Variants in ARFIP1 observed in about 807,000 individuals in gnomAD.
ARFIP1 encodes the protein ARF interacting protein 1, also known as arfaptin-1.
A neutral mutation model predicts 42.5 loss-of-function variants in ARFIP1; 24 were observed. The observed-to-expected ratio is 0.57, with a 90% confidence interval of 0.41 to 0.80. ARFIP1 has a LOEUF of 0.80. Ranked by LOEUF, ARFIP1 falls within the 30% of genes least tolerant of loss-of-function variation. ARFIP1 has a pLI of 0.00. For synonymous variants in ARFIP1, 141 were observed against 153.7 expected (o/e 0.92, Z 0.61); for missense variants, 354 against 434.0 (o/e 0.82, Z 1.64).
intron 2 of ARFIP1, among the ~76,000 whole-genome samples, chr4:152,847,584 T>C (rs530509972): frequency 4.7e-4 from 72 of 152,076 alleles, no homozygotes; most frequent in African/African-American, 1.7e-3. Context: ...TTTTAAGAAT[T>C]ATTCTTTAAA....
At chr4:152,882,957 C>T in intron 7 of ARFIP1, 77 bp downstream of exon 7, 1 of 1,448,670 alleles carries the variant, frequency 6.9e-7, no homozygotes, top group South Asian at 1.3e-5. Flanking sequence ...TTACAAACAA[C>T]AGAAACCAAC....
At chr4:152,792,358 T>C (rs985370234) in intron 1 of ARFIP1, among the ~76,000 whole-genome samples, 20 of 152,220 alleles carry the variant, frequency 1.3e-4, no homozygotes, top group African/African-American at 4.1e-4. Context: ...TGAAGACTTA[T>C]GTGTGTTGTT....
rs147195311 is a variant in ARFIP1 at position 152,863,691 on chromosome 4, T to G, written c.179T>G (p.Val60Gly). The G allele has an allele frequency of 1.5e-5, 24 of 1,608,590 alleles. No individual in the cohort carries two copies. Among genetic ancestry groups the G allele is most frequent in the Non-Finnish European group, 2.0e-5 (23 of 1,175,600 alleles). Reference sequence around the variant, plus strand: ...GGCTTTGACAATACCAAAGAGGGTGTTATTGAAGCAGGAGCATTTCAAGGT... The same window carrying G: ...GGCTTTGACAATACCAAAGAGGGTGGTATTGAAGCAGGAGCATTTCAAGGT... ...SHGFDNTKEG[V>G]IEAGAFQGSP... The change falls in exon 3 of 9, where the codon GTT becomes GGT. Residue 60 changes from valine to glycine, a missense_variant. Physicochemically the swap from Val to Gly is moderately radical, Grantham distance 109 (BLOSUM62 -3). Coordinates refer to ENST00000353617, the MANE Select transcript of ARFIP1 (RefSeq NM_001025595.3).
At chr4:152,846,007 C>T (rs895593086) in intron 2 of ARFIP1, among the ~76,000 whole-genome samples, 1 of 152,166 alleles carries the variant, frequency 6.6e-6, no homozygotes, top group East Asian at 1.9e-4. Context: ...AAATACTGTG[C>T]AGCCATAAAA....
intron 1 of ARFIP1, among the ~76,000 whole-genome samples, chr4:152,824,891 C>T (rs1389935318): frequency 6.6e-6 from 1 of 151,808 alleles, no homozygotes; most frequent in Non-Finnish European, 1.5e-5. Context: ...TGCTATACAC[C>T]AACAACAGCC....
At chr4:152,866,800 G>A (rs924055653) in intron 3 of ARFIP1, among the ~76,000 whole-genome samples, 2 of 151,530 alleles carry the variant, frequency 1.3e-5, no homozygotes, top group Admixed American at 6.6e-5. Flanking sequence ...GGGCAGAGAC[G>A]CTCCTCACCT....
intron 1 of ARFIP1, chr4:152,807,270 T>G (rs1381070059): frequency 1.3e-5 from 2 of 152,158 alleles, no homozygotes; most frequent in African/African-American, 4.8e-5. Flanking sequence ...TATTTTAATT[T>G]CTTTTTGGTG....
chr4:152,848,080 C>T (rs1225060409), intron 2 of ARFIP1, among the ~76,000 whole-genome samples: 4 of 151,900 alleles, frequency 2.6e-5, no homozygotes, highest in Non-Finnish European at 4.4e-5. Flanking sequence ...ACAGAGTATT[C>T]GTTCAGTAGA....
intron 1 of ARFIP1, chr4:152,809,984 A>G (rs1473955126): frequency 6.6e-6 from 1 of 152,174 alleles, no homozygotes; most frequent in African/African-American, 2.4e-5. Context: ...AAGGCACATG[A>G]TTTGATTGTT....
chr4:152,880,110 G>A (rs1429110675), intron 5 of ARFIP1, among the ~76,000 whole-genome samples: 1 of 152,182 alleles, frequency 6.6e-6, no homozygotes. Context: ...GGGAGGCCAA[G>A]GCAGGTTGAT....
At chr4:152,881,737 G>A (rs574346316) in intron 6 of ARFIP1, among the ~76,000 whole-genome samples, 17 of 152,242 alleles carry the variant, frequency 1.1e-4, no homozygotes, top group African/African-American at 4.1e-4. Context: ...ACAGAGTGGA[G>A]TTACATGGAC....
At chr4:152,796,348 A>C in intron 1 of ARFIP1, 1 of 741,104 alleles carries the variant, frequency 1.3e-6, no homozygotes, top group East Asian at 2.5e-5. Flanking sequence ...TTTCATATTT[A>C]GGTGGTTTTC....
At chr4:152,881,976 A>G (rs373359679) in intron 6 of ARFIP1, among the ~76,000 whole-genome samples, 4 of 152,318 alleles carry the variant, frequency 2.6e-5, no homozygotes, top group East Asian at 1.9e-4. Flanking sequence ...TAAATGATAC[A>G]TCTTAGAATA....
In ARFIP1 at chr4:152,912,295, A is replaced by C. The variant is rs1345343951; in HGVS notation, c.*2076A>C. On this transcript the variant is annotated 3_prime_UTR_variant, in exon 9 of 9. Coordinates refer to ENST00000353617, the MANE Select transcript of ARFIP1 (RefSeq NM_001025595.3). Reference sequence around the variant, plus strand: ...TCATTATAGAAAAGAATTAGAAGAAAATTTCAAGTAATAGAAGATAAGTAC... The same window carrying C: ...TCATTATAGAAAAGAATTAGAAGAACATTTCAAGTAATAGAAGATAAGTAC... The C allele has an allele frequency of 1.3e-5, 2 of 152,202 alleles. No homozygotes were observed. The highest frequency in any genetic ancestry group is 4.8e-5 in the African/African-American group (2 of 41,466). 9.4% of individuals were successfully genotyped at this position (152,202 alleles called of 1,614,324 possible). A position where few individuals can be genotyped will look rare whatever the true frequency, so the allele number is the denominator to read the frequency against.
chr4:152,896,386 G>T lies in ARFIP1; in HGVS notation c.966+8079G>T, dbSNP rs1035599898. On this transcript the variant is annotated intron_variant, in intron 8 of 8. Coordinates refer to ENST00000353617, the MANE Select transcript of ARFIP1 (RefSeq NM_001025595.3). ...AGTAAAGGACTAATTGAATAAACTGGTTTTTTCATACAGTGAAATACTTTG... is the reference window on the plus strand; with the variant it reads ...AGTAAAGGACTAATTGAATAAACTGTTTTTTTCATACAGTGAAATACTTTG... Among the ~76,000 whole-genome samples, 7 of 152,198 alleles carry T rather than the reference G, an allele frequency of 4.6e-5. No individual in the cohort carries two copies. In the East Asian group the frequency reaches 7.7e-4, roughly 17 times the overall value.
intron 2 of ARFIP1, among the ~76,000 whole-genome samples, chr4:152,862,435 T>G (rs2149875594): frequency 6.6e-6 from 1 of 152,072 alleles, no homozygotes; most frequent in East Asian, 1.9e-4. Context: ...GATGTGTATG[T>G]TTTGTCCTAG....
intron 1 of ARFIP1, among the ~76,000 whole-genome samples, chr4:152,790,297 C>G (rs1731071440): frequency 6.6e-6 from 1 of 152,296 alleles, no homozygotes; most frequent in South Asian, 2.1e-4. Flanking sequence ...TACCAAATAA[C>G]AGGTAACCTG....
At chr4:152,840,135 C>T (rs987457327) in intron 2 of ARFIP1, among the ~76,000 whole-genome samples, 1 of 152,032 alleles carries the variant, frequency 6.6e-6, no homozygotes, top group Non-Finnish European at 1.5e-5. Context: ...TTTCAATTTC[C>T]TTAAGTTTAT....
chr4:152,825,354 T>C (rs937165235), intron 1 of ARFIP1, among the ~76,000 whole-genome samples: 2 of 151,996 alleles, frequency 1.3e-5, no homozygotes, highest in African/African-American at 4.8e-5. Flanking sequence ...TAAAAGTAGG[T>C]ACTTAGAATA....
Sources: allele counts gnomAD v4.1 joint callset (sites outside exome capture counted in the v4.1 genomes callset), GRCh38; gene constraint gnomAD v4.1.1; transcripts MANE v1.5; gene names NCBI Gene and HGNC (gene_info 2026-07-23, HGNC 2026-07-21).